HUNK: variants seen among roughly 807,000 people sequenced by gnomAD.
HUNK encodes hormonally up-regulated Neu-associated kinase, also known as hormonally up-regulated neu tumor-associated kinase.
In HUNK, 21 loss-of-function variants were observed where a neutral mutation model predicts 61.0. The ratio of observed to expected loss-of-function variants is 0.34; its 90% CI spans 0.24 to 0.50. The LOEUF is 0.50. HUNK is among the 20% of genes least tolerant of loss of function. The pLI is 0.98. For synonymous variants in HUNK, 371 were observed against 386.1 expected (o/e 0.96, Z 0.46); for missense variants, 772 against 945.7 (o/e 0.82, Z 2.41).
chr21:31,874,694 GACCCTGCT>G (rs1455868526), intron 1 of HUNK, among the ~76,000 whole-genome samples: 3 of 151,384 alleles, frequency 2.0e-5, no homozygotes, highest in Admixed American at 6.6e-5. Flanking sequence ...CTGCAGTGAA[GACCCTGCT>G]ACTGGCAGGA....
At chr21:31,968,836 G>A (rs1180256110) in intron 6 of HUNK, among the ~76,000 whole-genome samples, 3 of 106,570 alleles carry the variant, frequency 2.8e-5, no homozygotes, top group Non-Finnish European at 5.5e-5. Context: ...TGTGTTGTGT[G>A]TAAATTTGTG....
rs2053075237 is a variant in HUNK, at chr21:31,979,341, TC to T, written c.1174-4184del. ...ACCATGTTGGCCAGGATGGTCTCAA[TC>T]TCTTGACCTTGTGATCTGCCTGCCT... is the stretch of plus-strand genomic sequence containing the variant. On this transcript the variant is annotated intron_variant, in intron 7 of 10. Transcript: ENST00000270112. 2.0e-5 allele frequency among the ~76,000 whole-genome samples: 3 copies of T among 151,766 alleles called. No individual in the cohort carries two copies. The East Asian group carries it at 5.8e-4, about 30-fold the overall frequency.
Position 32,002,983 on chromosome 21 carries a change from C to CAGCCCCAGCCTTTCTG in HUNK, c.*3801_*3816dup, listed in dbSNP as rs2053256069. 6.6e-6 allele frequency: 1 copy of CAGCCCCAGCCTTTCTG among 152,230 alleles called. No individual in the cohort carries two copies. Among genetic ancestry groups the CAGCCCCAGCCTTTCTG allele is most frequent in the Non-Finnish European group, 1.5e-5 (1 of 68,046 alleles). 9.4% of individuals were successfully genotyped at this position (152,230 alleles called of 1,614,324 possible). A position where few individuals can be genotyped will look rare whatever the true frequency, so the allele number is the denominator to read the frequency against. On this transcript the variant is annotated 3_prime_UTR_variant, in exon 11 of 11. Transcript: ENST00000270112. ...GAAAAGGACCTAAGATTCTCTGGCTCAGCCCCAGCCTTTCTGAAGAAGGGA... is the reference window on the plus strand; with the variant it reads ...GAAAAGGACCTAAGATTCTCTGGCTCAGCCCCAGCCTTTCTGAGCCCCAGCCTTTCTGAAGAAGGGA...
intron 7 of HUNK, among the ~76,000 whole-genome samples, chr21:31,975,118 G>A (rs1289566284): frequency 6.6e-6 from 1 of 151,948 alleles, no homozygotes; most frequent in African/African-American, 2.4e-5. Context: ...TCTGAACTAT[G>A]GTATTATATA....
intron 1 of HUNK, among the ~76,000 whole-genome samples, chr21:31,899,706 A>G (rs145430098): frequency 1.3e-3 from 203 of 151,812 alleles, no homozygotes; most frequent in African/African-American, 4.8e-3. Context: ...CCTGCTCAGC[A>G]CCATCTTGGT....
intron 8 of HUNK, among the ~76,000 whole-genome samples, chr21:31,984,925 A>C (rs2053122729): frequency 6.6e-6 from 1 of 152,184 alleles, no homozygotes. Context: ...ACAGTTTCAC[A>C]TGGCTGGGGA....
intron 3 of HUNK, among the ~76,000 whole-genome samples, chr21:31,940,872 C>T (rs1251286041): frequency 6.6e-6 from 1 of 152,212 alleles, no homozygotes; most frequent in Non-Finnish European, 1.5e-5. Context: ...TATTAGATGG[C>T]ACCATCTTTT....
chr21:31,936,307 C>G (rs772310882), intron 2 of HUNK, among the ~76,000 whole-genome samples: 1 of 152,132 alleles, frequency 6.6e-6, no homozygotes. Flanking sequence ...TGCCTTTTGT[C>G]CTAAAGTCTG....
chr21:31,983,215 G>T (rs1467054013), intron 7 of HUNK, among the ~76,000 whole-genome samples: 1 of 152,194 alleles, frequency 6.6e-6, no homozygotes, highest in African/African-American at 2.4e-5. Flanking sequence ...TCGTGTTTTT[G>T]AGTAGTCTTA....
rs755979165 is a variant in HUNK at position 31,873,914 on chromosome 21, G to A, written c.240G>A (p.Leu80=). Residue 80 remains leucine, a synonymous_variant, in exon 1 of 11, where the codon CTG becomes CTA. Transcript: ENST00000270112. The surrounding 1 kb of genome is among the most constrained non-coding windows in gnomAD (Gnocchi z 6.1). ...CCTTTGCCAAGGTGCGCGAGGGGCT[G>A]CACGTGCTGACCGGGGAGAAGGTGA... ...EGSFAKVREG[L]HVLTGEKVAI... is the part of the protein sequence containing the mutation. 1.3e-6 allele frequency: 2 copies of A among 1,565,398 alleles called. No individual in the cohort carries two copies. Among genetic ancestry groups the A allele is most frequent in the Non-Finnish European group, 1.7e-6 (2 of 1,158,974 alleles).
intron 1 of HUNK, among the ~76,000 whole-genome samples, chr21:31,893,770 G>T (rs2052407404): frequency 6.6e-6 from 1 of 152,092 alleles, no homozygotes; most frequent in African/African-American, 2.4e-5. Context: ...CCATGTTTTT[G>T]ATCAGGTAGG....
chr21:31,914,644 G>T (rs1271128460), intron 1 of HUNK, among the ~76,000 whole-genome samples: 1 of 151,996 alleles, frequency 6.6e-6, no homozygotes, highest in Admixed American at 6.6e-5. Context: ...TGAGATCAAG[G>T]TGCCAGCGGG....
rs1283275412 is a variant in HUNK, at chr21:32,003,950, T to G, written c.*4766T>G. 1 of 152,196 alleles carries G rather than the reference T, an allele frequency of 6.6e-6. No homozygotes were observed. Among genetic ancestry groups the G allele is most frequent in the African/African-American group, 2.4e-5 (1 of 41,442 alleles). 9.4% of individuals were successfully genotyped at this position (152,196 alleles called of 1,614,324 possible). ...GGCAACCAATTTTGGAAGGATAGAA[T>G]AGCTTTATGTGGAGCAAACTTGAGG... On this transcript the variant is annotated 3_prime_UTR_variant, in exon 11 of 11. Coordinates refer to ENST00000270112, the MANE Select transcript of HUNK (RefSeq NM_014586.2).
In HUNK at chr21:31,924,515, T is replaced by C. The variant is rs756660257; in HGVS notation, c.309T>C (p.Tyr103=). 13 of 1,614,138 alleles carry C rather than the reference T, an allele frequency of 8.1e-6. No homozygotes were observed. Among genetic ancestry groups the C allele is most frequent in the South Asian group, 1.1e-5 (1 of 91,078 alleles). Residue 103 remains tyrosine (Y), a synonymous_variant, in exon 2 of 11, where the codon TAT becomes TAC. Coordinates refer to ENST00000270112, the MANE Select transcript of HUNK (RefSeq NM_014586.2). The surrounding 1 kb of genome is among the most constrained non-coding windows in gnomAD (Gnocchi z 5.1). The part of the protein sequence containing the change: ...IDKKRAKKDT[Y]VTKNLRREGQ... Reference sequence around the variant, plus strand: ...AGAAGAGAGCCAAAAAGGACACCTATGTCACCAAAAACCTGCGGCGAGAGG... The same window carrying C: ...AGAAGAGAGCCAAAAAGGACACCTACGTCACCAAAAACCTGCGGCGAGAGG...
intron 9 of HUNK, among the ~76,000 whole-genome samples, chr21:31,995,184 T>G (rs1170768552): frequency 1.4e-5 from 2 of 143,216 alleles, no homozygotes; most frequent in Non-Finnish European, 3.0e-5. Context: ...AAAAAAAAGC[T>G]TCATACACAC....
rs953925126 is a variant in HUNK at position 31,954,672 on chromosome 21, A to G, written c.747-4171A>G. Among the ~76,000 whole-genome samples the G allele has an allele frequency of 7.2e-5, 11 of 152,210 alleles. 1 individual carries two copies. Among genetic ancestry groups the G allele is most frequent in the Admixed American group, 6.5e-4 (10 of 15,282 alleles). ...ACTTTTCATTCTTCCAGGGCTTTCC[A>G]ATTTTTTGAGTACGCATCAGAAGCA... On this transcript the variant is annotated intron_variant, in intron 4 of 10. Coordinates refer to ENST00000270112, the MANE Select transcript of HUNK (RefSeq NM_014586.2).
rs1205293783 is a variant in HUNK at position 32,001,116 on chromosome 21, T to TA, written c.*1933dup. The stretch of plus-strand genomic sequence containing the variant: ...GTGAAAGCCCGTCTCTACCGAAAAA[T>TA]ACAAAAAAAAATAGCTGGGTGTGGT... On this transcript the variant is annotated 3_prime_UTR_variant, in exon 11 of 11. Coordinates refer to ENST00000270112, the MANE Select transcript of HUNK (RefSeq NM_014586.2). The TA allele has an allele frequency of 0.025, 2,410 of 98,178 alleles. 42 individuals are homozygous for TA. The highest frequency in any genetic ancestry group is 0.063 in the African/African-American group (1,687 of 26,958). The allele number at this position is 98,178 out of a possible 1,614,324, so 6.1% of individuals were successfully genotyped here. A position where few individuals can be genotyped will look rare whatever the true frequency, so the allele number is the denominator to read the frequency against.
intron 3 of HUNK, among the ~76,000 whole-genome samples, chr21:31,941,838 A>T (rs2052770924): frequency 1.3e-5 from 2 of 152,142 alleles, no homozygotes; most frequent in African/African-American, 4.8e-5. Context: ...GAAAATGTGG[A>T]GGTGACAGTG....
chr21:31,990,164 C>G lies in HUNK; in HGVS notation c.1293C>G (p.Phe431Leu). 6.2e-7 allele frequency: 1 copy of G among 1,613,804 alleles called. No individual in the cohort carries two copies. The highest frequency in any genetic ancestry group is 8.5e-7 in the Non-Finnish European group (1 of 1,179,782). ...ACACCTGGACACGAGATCTTGAATT[C>G]CATGCCGTGCAGGTAAGAACTTGGG... ...SLDTWTRDLE[F>L]HAVQDKKPKE... The change falls in exon 9 of 11, where the codon TTC (phenylalanine) becomes TTG (leucine). Residue 431 changes from phenylalanine to leucine, a missense_variant. Physicochemically the swap from Phe to Leu is conservative, Grantham distance 22. This residue lies in a region of HUNK where 413 missense variants were observed against 444.4 expected (regional missense o/e 0.93). Coordinates refer to ENST00000270112, the MANE Select transcript of HUNK (RefSeq NM_014586.2).
Sources: allele counts gnomAD v4.1 joint callset (sites outside exome capture counted in the v4.1 genomes callset), GRCh38; gene constraint gnomAD v4.1.1; regional missense constraint gnomAD v4.1.1; non-coding constraint Gnocchi (gnomAD v3.1); transcripts MANE v1.5; gene names NCBI Gene and HGNC (gene_info 2026-07-23, HGNC 2026-07-21).